F11: variants seen among roughly 807,000 people sequenced by gnomAD.
F11 encodes the protein coagualtion factor XI.
F11 carries 78 observed loss-of-function variants against 76.5 expected under a neutral mutation model. The observed-to-expected ratio is 1.02, with a 90% CI of 0.85 to 1.23. The LOEUF is 1.23. Among genes scored for constraint, F11 ranks in the 50% most tolerant of loss-of-function variants. F11 has a pLI of 0.00. For synonymous variants in F11, 278 were observed against 276.3 expected (o/e 1.01, Z -0.06); for missense variants, 742 against 771.4 (o/e 0.96, Z 0.45).
intron 10 of F11, among the ~76,000 whole-genome samples, chr4:186,281,714 A>G (rs1002465094): frequency 2.0e-5 from 3 of 152,232 alleles, no homozygotes; most frequent in African/African-American, 7.2e-5. Context: ...GTCCAATATT[A>G]CAATACACTA....
At chr4:186,274,067 T>C (rs756923610) in intron 4 of F11, 49 bp from the exon 5 acceptor site, 4 of 1,608,650 alleles carry the variant, frequency 2.5e-6, no homozygotes, top group Non-Finnish European at 3.4e-6. Flanking sequence ...GCTTAGGTCA[T>C]TGCCCCTAGA....
chr4:186,284,299 A>C, intron 11 of F11, 39 bp downstream of exon 11: 2 of 1,498,800 alleles, frequency 1.3e-6, no homozygotes, highest in Admixed American at 1.8e-5. Flanking sequence ...CATCTTCTTC[A>C]CACATTTATA....
intron 11 of F11, among the ~76,000 whole-genome samples, chr4:186,285,110 T>A (rs1037760845): frequency 7.2e-5 from 11 of 152,192 alleles, no homozygotes; most frequent in African/African-American, 2.7e-4. Flanking sequence ...GCTACTTCAG[T>A]ATCCTCCGAG....
chr4:186,282,464 G>T (rs1328312274), intron 10 of F11: 2 of 985,118 alleles, frequency 2.0e-6, no homozygotes, highest in Non-Finnish European at 1.2e-6. Flanking sequence ...TCTGTCACTG[G>T]TCTACAATGT....
At chr4:186,275,710 G>T (rs896819376) in intron 5 of F11, 77 bp from the exon 6 acceptor site, 3 of 1,088,276 alleles carry the variant, frequency 2.8e-6, no homozygotes, top group Non-Finnish European at 4.1e-6. Flanking sequence ...CTCCAAAGGG[G>T]ACTTTCTTAA....
chr4:186,285,600 T>A (rs780731761), intron 11 of F11, 38 bp from the exon 12 acceptor site: 2 of 1,599,540 alleles, frequency 1.3e-6, no homozygotes, highest in Admixed American at 3.3e-5. Context: ...TTATTTTTAG[T>A]AAAGGAAATT....
At chr4:186,288,194 G>A (rs1741357747) in intron 14 of F11, among the ~76,000 whole-genome samples, 1 of 152,060 alleles carries the variant, frequency 6.6e-6, no homozygotes, top group Non-Finnish European at 1.5e-5. Context: ...TTACAGGCGT[G>A]AGCCACCGCG....
chr4:186,276,075 T>C (rs1185683326), intron 6 of F11, among the ~76,000 whole-genome samples, 156 bp from the exon 7 acceptor site: 1 of 152,182 alleles, frequency 6.6e-6, no homozygotes, highest in African/African-American at 2.4e-5. Flanking sequence ...AAATTTCCAG[T>C]TTAAAATAAT....
intron 7 of F11, among the ~76,000 whole-genome samples, chr4:186,276,981 G>A (rs1355710624): frequency 6.6e-6 from 1 of 152,138 alleles, no homozygotes; most frequent in South Asian, 2.1e-4. Context: ...GTGTAGTGGT[G>A]AAGTCTGGGC....
chr4:186,268,005 A>G (rs1739629724), intron 2 of F11, among the ~76,000 whole-genome samples: 1 of 152,142 alleles, frequency 6.6e-6, no homozygotes, highest in Non-Finnish European at 1.5e-5. Flanking sequence ...TTGTATTGTT[A>G]TTTCATTGAT....
At chr4:186,275,993 A>G (rs1740344988) in intron 6 of F11, 97 bp downstream of exon 6, 2 of 1,081,624 alleles carry the variant, frequency 1.8e-6, no homozygotes, top group Non-Finnish European at 2.8e-6. Context: ...TCACGATGAA[A>G]CGGACCCAAA....
intron 7 of F11, 71 bp downstream of exon 7, chr4:186,276,461 T>A: frequency 6.4e-7 from 1 of 1,568,840 alleles, no homozygotes; most frequent in Non-Finnish European, 8.8e-7. Flanking sequence ...TCATTAAAAA[T>A]TCCAAGTAAC....
intron 3 of F11, among the ~76,000 whole-genome samples, chr4:186,272,624 C>T (rs1235927682): frequency 6.6e-6 from 1 of 152,182 alleles, no homozygotes; most frequent in Non-Finnish European, 1.5e-5. Flanking sequence ...TATTCCAGAA[C>T]CTAGAGCAGG....
At position 186,288,803 on chromosome 4, in the gene F11, T is replaced by C; in HGVS notation, c.*189T>C. The C allele has an allele frequency of 1.5e-6, 1 of 648,314 alleles. No homozygotes were observed. Among genetic ancestry groups the C allele is most frequent in the Admixed American group, 2.5e-5 (1 of 40,148 alleles). 40.2% of individuals were successfully genotyped at this position (648,314 alleles called of 1,614,324 possible). On this transcript the variant is annotated 3_prime_UTR_variant, in exon 15 of 15. Coordinates refer to ENST00000403665, the MANE Select transcript of F11 (RefSeq NM_000128.4). ...TCCAAAACTCCCGTTCTATGATCGT[T>C]GTAGTTTGTTTGAGCATTCAGTCTC...
chr4:186,285,814 G>A lies in F11; in HGVS notation c.1480+1G>A. On this transcript the variant is annotated splice_donor_variant, in intron 12 of 14. Coordinates refer to ENST00000403665, the MANE Select transcript of F11 (RefSeq NM_000128.4). LOFTEE classifies it high-confidence loss of function. Reference sequence around the variant, plus strand: ...CTGGAAACCACAGTGAATTACACAGGTACGGAGAATTTTATCCGGAAAGTT... The same window carrying A: ...CTGGAAACCACAGTGAATTACACAGATACGGAGAATTTTATCCGGAAAGTT... The A allele has an allele frequency of 1.2e-6, 2 of 1,614,110 alleles. No individual in the cohort carries two copies. Among genetic ancestry groups the A allele is most frequent in the Non-Finnish European group, 1.7e-6 (2 of 1,180,004 alleles).
intron 5 of F11, 70 bp downstream of exon 5, chr4:186,274,345 C>T: frequency 6.3e-7 from 1 of 1,596,724 alleles, no homozygotes; most frequent in South Asian, 1.1e-5. Flanking sequence ...AAGCTTTTGC[C>T]ATCAACTTTA....
intron 2 of F11, among the ~76,000 whole-genome samples, chr4:186,270,043 G>A (rs1739817177): frequency 1.3e-5 from 2 of 152,154 alleles, no homozygotes; most frequent in African/African-American, 4.8e-5. Context: ...GGAGGTACTC[G>A]TTGGTGCGGT....
At chr4:186,282,789 T>C in intron 10 of F11, 7 of 985,394 alleles carry the variant, frequency 7.1e-6, no homozygotes, top group Non-Finnish European at 8.4e-6. Flanking sequence ...CGAAGTCACA[T>C]CGTGCTCGTT....
intron 11 of F11, 112 bp downstream of exon 11, chr4:186,284,372 A>G: frequency 9.0e-7 from 1 of 1,111,230 alleles, no homozygotes; most frequent in Non-Finnish European, 1.3e-6. Context: ...TTATTTGCAA[A>G]ATTAATTAAT....
Sources: gnomAD v4.1 joint callset for allele counts (sites outside exome capture counted in the v4.1 genomes callset) on GRCh38, gnomAD v4.1.1 for gene constraint, MANE v1.5 for transcripts, NCBI Gene and HGNC (gene_info 2026-07-23, HGNC 2026-07-21) for gene names.